Variants in UFD1 observed in about 807,000 individuals in gnomAD.
The protein encoded by UFD1 is ubiquitin recognition factor in ER associated degradation 1.
A neutral mutation model predicts 45.9 loss-of-function variants in UFD1; 13 were observed. The observed-to-expected ratio is 0.28, with a 90% CI of 0.18 to 0.45. The LOEUF is 0.45. Among genes scored for constraint, UFD1 ranks in the 20% least tolerant of loss-of-function variants. UFD1 has a pLI of 1.00. For missense variants in UFD1, 218 were observed against 389.2 expected (o/e 0.56, Z 3.70); for synonymous variants, 128 against 139.2 (o/e 0.92, Z 0.56).
intron 6 of UFD1, among the ~76,000 whole-genome samples, chr22:19,459,606 C>G (rs986492840): frequency 8.5e-5 from 13 of 152,062 alleles, no homozygotes; most frequent in Non-Finnish European, 1.2e-4. Context: ...CAGAGCGAGA[C>G]TCTGTGTCAA....
At position 19,471,632 on chromosome 22, in the gene UFD1, G is replaced by C. The variant is rs199607029; in HGVS notation, c.291+55C>G. 1.7e-3 allele frequency: 2,662 copies of C among 1,595,784 alleles called. 6 individuals carry two copies. The highest frequency in any genetic ancestry group is 2.1e-3 in the Non-Finnish European group (2,512 of 1,171,862). ...TCCAGGGCCAGGACTCTCGAGTGCA[G>C]GAGATGTCTCTGCCTAAGTGGCTGC... is the stretch of plus-strand genomic sequence containing the variant. On this transcript the variant is annotated intron_variant, in intron 4 of 11. Transcript: ENST00000263202.
At chr22:19,478,729 T>G (rs1477147784) in intron 1 of UFD1, 6 of 371,904 alleles carry the variant, frequency 1.6e-5, no homozygotes, top group Non-Finnish European at 2.9e-5. Flanking sequence ...AGCGCCCTGA[T>G]TCTGTTCCCA....
chr22:19,470,902 C>G (rs567491549), intron 4 of UFD1: 92 of 449,590 alleles, frequency 2.0e-4, no homozygotes, highest in East Asian at 2.8e-4. Flanking sequence ...GTTTCCAGCC[C>G]ACAGCTCACT....
At chr22:19,464,726 A>G (rs1463469944) in intron 6 of UFD1, among the ~76,000 whole-genome samples, 1 of 152,180 alleles carries the variant, frequency 6.6e-6, no homozygotes, top group East Asian at 1.9e-4. Flanking sequence ...AGGAGAGGTG[A>G]GCCTAGGAGG....
chr22:19,456,061 G>A (rs1460139366), intron 9 of UFD1, among the ~76,000 whole-genome samples: 1 of 152,150 alleles, frequency 6.6e-6, no homozygotes, highest in East Asian at 1.9e-4. Context: ...CTCTATGGGT[G>A]GGCTAAGGCT....
chr22:19,454,493 C>T, intron 11 of UFD1: 1 of 807,510 alleles, frequency 1.2e-6, no homozygotes, highest in South Asian at 2.0e-5. Flanking sequence ...CCTGCACCAG[C>T]TTTTTCTCTG....
chr22:19,452,470 C>G (rs2089690579), intron 11 of UFD1: 1 of 152,162 alleles, frequency 6.6e-6, no homozygotes, highest in South Asian at 2.1e-4. Context: ...AATTTCCCCT[C>G]AGAATTTTGA....
rs1376711540 is a variant in UFD1 at position 19,451,873 on chromosome 22, C to T, written c.850-1129G>A. On this transcript the variant is annotated intron_variant, in intron 11 of 11. Coordinates refer to ENST00000263202, the MANE Select transcript of UFD1 (RefSeq NM_005659.7). Reference sequence around the variant, plus strand: ...TGTGTCTCCTGGGCCTTCGCCCTGCCGTACCTGGACTGGCCTTTCTCTAGG... The same window carrying T: ...TGTGTCTCCTGGGCCTTCGCCCTGCTGTACCTGGACTGGCCTTTCTCTAGG... 1.0e-5 allele frequency: 10 copies of T among 985,330 alleles called. No homozygotes were observed. The Admixed American group carries it at 4.9e-4, about 48-fold the overall frequency. 61.0% of individuals were successfully genotyped at this position (985,330 alleles called of 1,614,324 possible). A position where few individuals can be genotyped will look rare whatever the true frequency, so the allele number is the denominator to read the frequency against.
In UFD1 at chr22:19,456,894, A is replaced by G; in HGVS notation, c.589T>C (p.Tyr197His). ...MNVDFDAPLG[Y>H]KEPERQVQHE... ...TGGACTTGTCTTTCGGGTTCTTTGT[A>G]GCCCAGGGGAGCATCAAAGTCCACC... The change falls in exon 8 of 12, where the codon TAC becomes CAC. Residue 197 changes from tyrosine to histidine, a missense_variant. Physicochemically the swap from Tyr to His is moderately conservative, Grantham distance 83. Coordinates refer to ENST00000263202, the MANE Select transcript of UFD1 (RefSeq NM_005659.7). 6.2e-7 allele frequency: 1 copy of G among 1,606,636 alleles called. No individual in the cohort carries two copies. Among genetic ancestry groups the G allele is most frequent in the Non-Finnish European group, 8.5e-7 (1 of 1,175,766 alleles).
At chr22:19,458,205 G>GT in intron 6 of UFD1, 66 bp from the exon 7 acceptor site, 1 of 1,567,776 alleles carries the variant, frequency 6.4e-7, no homozygotes, top group Non-Finnish European at 8.8e-7. Context: ...CGCTGTCCAT[G>GT]TTACTGTGGC....
intron 4 of UFD1, 103 bp downstream of exon 4, chr22:19,471,581 CAGG>C (rs2089846089): frequency 4.0e-6 from 6 of 1,496,794 alleles, no homozygotes; most frequent in Admixed American, 4.0e-5. Flanking sequence ...AGACGCTGAG[CAGG>C]AGGAGTAGGC....
chr22:19,474,487 A>G (rs1026884768), intron 3 of UFD1, among the ~76,000 whole-genome samples: 3 of 152,312 alleles, frequency 2.0e-5, no homozygotes, highest in African/African-American at 7.2e-5. Flanking sequence ...CAGAGGTTGC[A>G]GTGAGCCAAG....
chr22:19,473,084 A>T (rs980748549), intron 3 of UFD1, among the ~76,000 whole-genome samples: 1 of 151,836 alleles, frequency 6.6e-6, no homozygotes, highest in Non-Finnish European at 1.5e-5. Context: ...ACCAAGGGTG[A>T]CTCTCACACT....
chr22:19,466,697 G>T (rs1246080104), intron 5 of UFD1: 4 of 152,332 alleles, frequency 2.6e-5, no homozygotes, highest in Non-Finnish European at 5.9e-5. Flanking sequence ...GGGTGTGGTG[G>T]TGCACACCTG....
intron 3 of UFD1, 81 bp downstream of exon 3, chr22:19,474,987 G>C: frequency 3.0e-6 from 4 of 1,353,810 alleles, no homozygotes; most frequent in Non-Finnish European, 4.1e-6. Flanking sequence ...CTGGTGTCTG[G>C]ATGTACTGAG....
Position 19,450,459 on chromosome 22 carries a change from G to C in UFD1, c.*211C>G. The C allele has an allele frequency of 1.7e-6, 1 of 604,654 alleles. No individual in the cohort carries two copies. The highest frequency in any genetic ancestry group is 3.1e-5 in the Admixed American group (1 of 32,526). 37.5% of individuals were successfully genotyped at this position (604,654 alleles called of 1,614,324 possible). A position where few individuals can be genotyped will look rare whatever the true frequency, so the allele number is the denominator to read the frequency against. On this transcript the variant is annotated 3_prime_UTR_variant, in exon 12 of 12. Coordinates refer to ENST00000263202, the MANE Select transcript of UFD1 (RefSeq NM_005659.7). ...AGCTATCTACAGGCCCTCAGGGACA[G>C]CTCTTTGTCTTTCCCCAAATCAAGC...
chr22:19,452,474 A>G (rs1288908792), intron 11 of UFD1: 1 of 152,110 alleles, frequency 6.6e-6, no homozygotes, highest in Non-Finnish European at 1.5e-5. Context: ...TCCCCTCAGA[A>G]TTTTGAGTAT....
intron 6 of UFD1, among the ~76,000 whole-genome samples, chr22:19,462,725 T>C (rs1358241112): frequency 1.3e-5 from 2 of 152,194 alleles, no homozygotes; most frequent in African/African-American, 4.8e-5. Context: ...TTAGATGTCA[T>C]TTTTTAAGCT....
Position 19,451,809 on chromosome 22 carries a change from C to T in UFD1, c.850-1065G>A, listed in dbSNP as rs2089685103. The T allele has an allele frequency of 3.6e-5, 35 of 985,348 alleles. 1 individual carries two copies. Among genetic ancestry groups the T allele is most frequent in the Non-Finnish European group, 4.2e-5 (35 of 829,944 alleles). 61.0% of individuals were successfully genotyped at this position (985,348 alleles called of 1,614,324 possible). ...TTTGGCTTCTTCCTCTATTCAATCA[C>T]AGCCTGCATTGCATGGAGTTCATCT... On this transcript the variant is annotated intron_variant, in intron 11 of 11. Transcript: ENST00000263202.
Sources: gnomAD v4.1 joint callset for allele counts (sites outside exome capture counted in the v4.1 genomes callset) on GRCh38, gnomAD v4.1.1 for gene constraint, MANE v1.5 for transcripts, NCBI Gene and HGNC (gene_info 2026-07-23, HGNC 2026-07-21) for gene names.